Variants in GTF2H1 observed in about 807,000 individuals in gnomAD.
The protein encoded by GTF2H1 is general transcription factor IIH subunit 1.
In GTF2H1, 16 loss-of-function variants were observed where a neutral mutation model predicts 71.2. The observed-to-expected ratio is 0.22, with a 90% CI of 0.15 to 0.34. The LOEUF is 0.34. Among genes scored for constraint, GTF2H1 ranks in the 10% least tolerant of loss-of-function variants. The probability of loss-of-function intolerance (pLI) is 1.00; values close to 1 mark genes in which losing one functional copy is unlikely to be tolerated. For synonymous variants in GTF2H1, 215 were observed against 219.0 expected, an observed-to-expected ratio of 0.98 and a Z score of 0.16; for missense variants, 498 against 648.2, an observed-to-expected ratio of 0.77 and a Z score of 2.52.
intron 7 of GTF2H1, 62 bp from the exon 8 acceptor site, chr11:18,347,526 G>T: frequency 1.6e-6 from 2 of 1,247,034 alleles, no homozygotes; most frequent in Non-Finnish European, 1.1e-6. Context: ...TCAGCTAAGC[G>T]TGTCTTATAA....
Position 18,349,049 on chromosome 11 carries a change from C to T in GTF2H1, c.1053+1130C>T, listed in dbSNP as rs370699003. On this transcript the variant is annotated intron_variant, in intron 9 of 14. Coordinates refer to ENST00000265963, the MANE Select transcript of GTF2H1 (RefSeq NM_005316.4). ...AGCTGGGATTACAGGCGTGCACCAC[C>T]ATACCTAGCTAATTTTTGTATTTTT... Among the ~76,000 whole-genome samples the T allele has an allele frequency of 2.6e-5, 4 of 152,100 alleles. No homozygotes were observed. The East Asian group carries it at 7.7e-4, about 29-fold the overall frequency.
chr11:18,338,704 C>T (rs4150589), intron 4 of GTF2H1, among the ~76,000 whole-genome samples: 63,298 of 152,058 alleles, frequency 0.42, 15,468 homozygotes, highest in East Asian at 0.59. Flanking sequence ...CCATCTTAGC[C>T]TCCCAAAGCT....
chr11:18,349,226 T>C (rs1041326882), intron 9 of GTF2H1, among the ~76,000 whole-genome samples: 1 of 152,232 alleles, frequency 6.6e-6, no homozygotes, highest in Non-Finnish European at 1.5e-5. Context: ...TACAGGCATG[T>C]ATTACCTATA....
intron 7 of GTF2H1, 84 bp downstream of exon 7, chr11:18,341,691 A>C: frequency 1.3e-6 from 1 of 795,724 alleles, no homozygotes; most frequent in East Asian, 2.6e-5. Flanking sequence ...GACCTATTCC[A>C]CTTGTGAGAA....
At chr11:18,330,750 C>CT (rs995857572) in intron 1 of GTF2H1, among the ~76,000 whole-genome samples, 3 of 152,222 alleles carry the variant, frequency 2.0e-5, no homozygotes, top group African/African-American at 7.2e-5. Context: ...CATATACACA[C>CT]TTGCTCACTG....
In GTF2H1 at chr11:18,323,077, A is replaced by G. The variant is rs145069581; in HGVS notation, c.-16+337A>G. On this transcript the variant is annotated intron_variant, in intron 1 of 14. Coordinates refer to ENST00000265963, the MANE Select transcript of GTF2H1 (RefSeq NM_005316.4). ...TGTGCTGTTGAGTCTGGGATTCTGT[A>G]AGAGAAAAGCTGTCACCTTGTTGTC... Among the ~76,000 whole-genome samples the G allele has an allele frequency of 4.3e-3, 650 of 152,274 alleles. 5 individuals are homozygous for G. The highest frequency in any genetic ancestry group is 0.015 in the African/African-American group (620 of 41,548).
intron 2 of GTF2H1, 81 bp from the exon 3 acceptor site, chr11:18,335,673 A>T: frequency 3.0e-6 from 3 of 985,902 alleles, no homozygotes; most frequent in Non-Finnish European, 4.7e-6. Context: ...ATCCTGAATC[A>T]TCTTGGGAGA....
chr11:18,332,826 TA>T (rs1398374827), intron 1 of GTF2H1: 4 of 337,764 alleles, frequency 1.2e-5, no homozygotes, highest in African/African-American at 8.5e-5. Flanking sequence ...CTCATTAGCA[TA>T]TAAGTATTGT....
chr11:18,356,577 T>C (rs1865553046), intron 11 of GTF2H1, among the ~76,000 whole-genome samples: 1 of 152,032 alleles, frequency 6.6e-6, no homozygotes, highest in South Asian at 2.1e-4. Context: ...ATAACTTTTG[T>C]CTTGGGGGTG....
chr11:18,338,516 T>C (rs1354025401), intron 4 of GTF2H1, among the ~76,000 whole-genome samples: 1 of 152,158 alleles, frequency 6.6e-6, no homozygotes, highest in Non-Finnish European at 1.5e-5. Context: ...CAGTGATAGC[T>C]CCCTGCAGCC....
chr11:18,354,932 C>G (rs1430874413), intron 11 of GTF2H1, among the ~76,000 whole-genome samples: 2 of 151,908 alleles, frequency 1.3e-5, no homozygotes, highest in East Asian at 2.0e-4. Context: ...CCTCAGCCCC[C>G]CAAGTAGCTG....
chr11:18,339,423 A>G (rs1408892117), intron 4 of GTF2H1, 141 bp from the exon 5 acceptor site: 2 of 563,556 alleles, frequency 3.5e-6, no homozygotes, highest in South Asian at 2.5e-5. Context: ...GCCTCTGTGC[A>G]AAAAGTGAAG....
Position 18,357,932 on chromosome 11 carries a change from T to C in GTF2H1, c.1261-20T>C, listed in dbSNP as rs1431889158. 7 of 1,476,208 alleles carry C rather than the reference T, an allele frequency of 4.7e-6. No homozygotes were observed. Among genetic ancestry groups the C allele is most frequent in the African/African-American group, 1.4e-5 (1 of 71,988 alleles). The allele number at this position is 1,476,208 out of a possible 1,614,324, so 91.4% of individuals were successfully genotyped here. ...AAAAAGGGAGGAAAACCAGTTTTAA[T>C]GCATCTTCATTTTTTTCAGGTTCTC... On this transcript the variant is annotated intron_variant, in intron 11 of 14. Coordinates refer to ENST00000265963, the MANE Select transcript of GTF2H1 (RefSeq NM_005316.4).
At chr11:18,348,243 C>G in intron 9 of GTF2H1, 1 of 401,824 alleles carries the variant, frequency 2.5e-6, no homozygotes, top group Non-Finnish European at 4.4e-6. Flanking sequence ...TCAACAGAGG[C>G]AATATGACAG....
At chr11:18,361,865 G>A (rs1251520701) in intron 14 of GTF2H1, among the ~76,000 whole-genome samples, 1 of 152,222 alleles carries the variant, frequency 6.6e-6, no homozygotes, top group Non-Finnish European at 1.5e-5. Flanking sequence ...AAAGTCAGTG[G>A]ATGAGGTATT....
chr11:18,355,817 T>G (rs1256369434), intron 11 of GTF2H1, among the ~76,000 whole-genome samples: 1 of 152,216 alleles, frequency 6.6e-6, no homozygotes, highest in African/African-American at 2.4e-5. Context: ...CTACAAGTTT[T>G]GATAAACACA....
At chr11:18,364,922 A>G (rs1471077765) in intron 14 of GTF2H1, among the ~76,000 whole-genome samples, 1 of 152,110 alleles carries the variant, frequency 6.6e-6, no homozygotes, top group Non-Finnish European at 1.5e-5. Flanking sequence ...GCATTTTTCC[A>G]GTGTTCTGCC....
At chr11:18,330,373 T>C (rs1378200135) in intron 1 of GTF2H1, among the ~76,000 whole-genome samples, 1 of 152,096 alleles carries the variant, frequency 6.6e-6, no homozygotes, top group African/African-American at 2.4e-5. Flanking sequence ...AGTAGGAAAA[T>C]ATGTTGCAAG....
chr11:18,350,695 T>A (rs1351193407), intron 9 of GTF2H1, among the ~76,000 whole-genome samples: 1 of 152,228 alleles, frequency 6.6e-6, no homozygotes, highest in Non-Finnish European at 1.5e-5. Context: ...GAGGTATAGT[T>A]AATAACCTGA....
Sources: gnomAD v4.1 joint callset for allele counts (sites outside exome capture counted in the v4.1 genomes callset) on GRCh38, gnomAD v4.1.1 for gene constraint, MANE v1.5 for transcripts, NCBI Gene and HGNC (gene_info 2026-07-23, HGNC 2026-07-21) for gene names.